Variants in PPP4R4 observed in about 807,000 individuals in gnomAD.
The protein encoded by PPP4R4 is protein phosphatase 4 regulatory subunit 4.
A neutral mutation model predicts 121.8 loss-of-function variants in PPP4R4; 70 were observed. The observed-to-expected ratio is 0.57, with a 90% CI of 0.47 to 0.70. The LOEUF is 0.70. PPP4R4 is among the 30% of genes least tolerant of loss of function. PPP4R4 has a pLI of 0.00. For missense variants in PPP4R4, 875 were observed against 1,033.6 expected (o/e 0.85, Z 2.10); for synonymous variants, 348 against 355.7 (o/e 0.98, Z 0.24).
chr14:94,217,637 A>G (rs1286695223), intron 3 of PPP4R4, among the ~76,000 whole-genome samples: 1 of 152,210 alleles, frequency 6.6e-6, no homozygotes, highest in Non-Finnish European at 1.5e-5. Flanking sequence ...CACTGAAAAA[A>G]CAACATGCCT....
rs779262129 is a variant in PPP4R4, at chr14:94,259,324, G to A, written c.2082G>A (p.Leu694=). Residue 694 remains leucine, a synonymous_variant, in exon 19 of 25, where the codon TTG becomes TTA. Transcript: ENST00000304338. ...AGAAAAAGTTTTATGAGAAAGATTT[G>A]TTGGATCAAGAGAAAGAAAGAGAAG... The part of the protein sequence containing the change: ...AFQKKFYEKD[L]LDQEKEREEL... The A allele has an allele frequency of 1.9e-6, 3 of 1,609,154 alleles. No individual in the cohort carries two copies. The highest frequency in any genetic ancestry group is 8.5e-7 in the Non-Finnish European group (1 of 1,178,572).
intron 2 of PPP4R4, among the ~76,000 whole-genome samples, chr14:94,182,975 A>G (rs1314408662): frequency 6.6e-6 from 1 of 152,154 alleles, no homozygotes; most frequent in African/African-American, 2.4e-5. Flanking sequence ...TCAATAATGA[A>G]CTTCCTAGTT....
chr14:94,274,126 C>T (rs1250011491), intron 23 of PPP4R4, among the ~76,000 whole-genome samples: 4 of 152,070 alleles, frequency 2.6e-5, no homozygotes, highest in Admixed American at 2.0e-4. Context: ...CTGTGAATCT[C>T]AAGTCTTATC....
At position 94,174,383 on chromosome 14, in the gene PPP4R4, C is replaced by T. The variant is rs1314489436; in HGVS notation, c.-83C>T. The stretch of plus-strand genomic sequence containing the variant: ...CAGCGGCCAAGAGCCGGAGAAAGTC[C>T]TGCTGGTGGGCGGCCGCGGGGCTGA... On this transcript the variant is annotated 5_prime_UTR_variant, in exon 1 of 25. Transcript: ENST00000304338. The T allele has an allele frequency of 4.0e-6, 5 of 1,239,896 alleles. No homozygotes were observed. Among genetic ancestry groups the T allele is most frequent in the Non-Finnish European group, 5.2e-6 (5 of 967,358 alleles). 76.8% of individuals were successfully genotyped at this position (1,239,896 alleles called of 1,614,324 possible).
At chr14:94,265,289 G>A in intron 20 of PPP4R4, 98 bp from the exon 21 acceptor site, 1 of 824,410 alleles carries the variant, frequency 1.2e-6, no homozygotes, top group Non-Finnish European at 2.0e-6. Context: ...TGCTTAGCTA[G>A]GGATAGTGAT....
At position 94,265,369 on chromosome 14, in the gene PPP4R4, A is replaced by G. The variant is rs771935077; in HGVS notation, c.2198-18A>G. The stretch of plus-strand genomic sequence containing the variant: ...GACTTAGAGGAAATTATACAACTTA[A>G]AGCAGAATTTATTTTAGGTAGAGAC... On this transcript the variant is annotated intron_variant, in intron 20 of 24. Transcript: ENST00000304338. 1 of 1,566,262 alleles carries G rather than the reference A, an allele frequency of 6.4e-7. No individual in the cohort carries two copies. The highest frequency in any genetic ancestry group is 1.1e-5 in the South Asian group (1 of 89,742).
chr14:94,199,225 T>A (rs1294758620), intron 2 of PPP4R4, among the ~76,000 whole-genome samples: 1 of 152,256 alleles, frequency 6.6e-6, no homozygotes, highest in African/African-American at 2.4e-5. Context: ...ACATCTTTTG[T>A]CAAGTTTTCT....
chr14:94,264,996 G>A, intron 20 of PPP4R4, 49 bp downstream of exon 20: 1 of 1,309,770 alleles, frequency 7.6e-7, no homozygotes, highest in Non-Finnish European at 1.1e-6. Context: ...AATTAATGTT[G>A]CATCCTGGTA....
intron 2 of PPP4R4, among the ~76,000 whole-genome samples, chr14:94,207,060 A>C (rs1890495353): frequency 6.6e-6 from 1 of 151,994 alleles, no homozygotes; most frequent in Non-Finnish European, 1.5e-5. Flanking sequence ...TTTTAAGGAC[A>C]CTTGCTATTG....
intron 19 of PPP4R4, among the ~76,000 whole-genome samples, chr14:94,264,413 A>G (rs914056283): frequency 1.3e-5 from 2 of 152,096 alleles, no homozygotes; most frequent in Non-Finnish European, 2.9e-5. Context: ...TGGCCTCCCA[A>G]AGTGCTGGGA....
chr14:94,239,180 C>A (rs764469114), intron 8 of PPP4R4, among the ~76,000 whole-genome samples: 2 of 150,354 alleles, frequency 1.3e-5, no homozygotes, highest in Non-Finnish European at 2.9e-5. Context: ...TTTGTCCTAG[C>A]CAACTCCTTC....
At position 94,265,565 on chromosome 14, in the gene PPP4R4, A is replaced by G. The variant is rs189636395; in HGVS notation, c.2284+92A>G. ...GTCACTCTATTAGATGAGATACAGT[A>G]GGATAATATATCTCATTCTAAAGCA... On this transcript the variant is annotated intron_variant, in intron 21 of 24. Transcript: ENST00000304338. 8.5e-5 allele frequency: 95 copies of G among 1,115,098 alleles called. No homozygotes were observed. In the Admixed American group the frequency reaches 9.6e-4, roughly 11 times the overall value. The allele number at this position is 1,115,098 out of a possible 1,614,324, so 69.1% of individuals were successfully genotyped here.
chr14:94,196,177 A>ATTTT (rs1889856173), intron 2 of PPP4R4, among the ~76,000 whole-genome samples: 1 of 107,740 alleles, frequency 9.3e-6, no homozygotes. Context: ...TTTTTTTTTG[A>ATTTT]CTTAAAAAAA....
At chr14:94,217,027 T>C (rs766877311) in intron 3 of PPP4R4, among the ~76,000 whole-genome samples, 17 of 152,116 alleles carry the variant, frequency 1.1e-4, no homozygotes, top group South Asian at 2.1e-4. Context: ...TACAAAGTTA[T>C]AGGACAGGAA....
intron 24 of PPP4R4, among the ~76,000 whole-genome samples, chr14:94,276,568 G>A (rs1894652194): frequency 6.6e-6 from 1 of 152,086 alleles, no homozygotes; most frequent in South Asian, 2.1e-4. Context: ...TGGGGTTGGG[G>A]GAGGTGCCAC....
At chr14:94,229,820 C>T (rs930135335) in intron 3 of PPP4R4, among the ~76,000 whole-genome samples, 25 of 152,078 alleles carry the variant, frequency 1.6e-4, no homozygotes, top group African/African-American at 5.8e-4. Context: ...GTTGCCTTTA[C>T]ATTACACACA....
intron 2 of PPP4R4, 52 bp downstream of exon 2, chr14:94,176,179 G>GGGAAATGCTTTCTAAGAA: frequency 7.2e-7 from 1 of 1,398,332 alleles, no homozygotes; most frequent in South Asian, 1.2e-5. Flanking sequence ...CTGTGCAGCA[G>GGGAAATGCTTTCTAAGAA]AGATGAATGC....
chr14:94,256,692 A>C (rs2139615671), intron 17 of PPP4R4, 88 bp downstream of exon 17: 2 of 1,216,328 alleles, frequency 1.6e-6, no homozygotes, highest in Non-Finnish European at 2.2e-6. Flanking sequence ...ACAGGATAGC[A>C]ATATATTACA....
At chr14:94,184,503 C>T (rs1423199837) in intron 2 of PPP4R4, among the ~76,000 whole-genome samples, 1 of 152,154 alleles carries the variant, frequency 6.6e-6, no homozygotes, top group Non-Finnish European at 1.5e-5. Flanking sequence ...AAGTGATCCA[C>T]CTGCCTCAAC....
Sources: gnomAD v4.1 joint callset for allele counts (sites outside exome capture counted in the v4.1 genomes callset) on GRCh38, gnomAD v4.1.1 for gene constraint, MANE v1.5 for transcripts, NCBI Gene and HGNC (gene_info 2026-07-23, HGNC 2026-07-21) for gene names.